PDGFD: variants seen among roughly 807,000 people sequenced by gnomAD.
The protein encoded by PDGFD is platelet-derived growth factor D.
A neutral mutation model predicts 44.7 loss-of-function variants in PDGFD; 30 were observed. That is an observed-to-expected ratio of 0.67 (90% CI 0.50 to 0.91). The LOEUF is 0.91. PDGFD is among the 40% of genes least tolerant of loss of function. The probability of loss-of-function intolerance (pLI) is 0.00; values close to 1 mark genes in which losing one functional copy is unlikely to be tolerated. For synonymous variants in PDGFD, 173 were observed against 168.4 expected (o/e 1.03, Z -0.21); for missense variants, 445 against 457.8 (o/e 0.97, Z 0.25).
intron 1 of PDGFD, among the ~76,000 whole-genome samples, chr11:104,150,962 A>G (rs1409106247): frequency 1.3e-5 from 2 of 152,192 alleles, no homozygotes; most frequent in Non-Finnish European, 2.9e-5. Flanking sequence ...ACAAACCCCA[A>G]CACACGATTT....
intron 3 of PDGFD, among the ~76,000 whole-genome samples, chr11:103,958,121 C>T (rs551125407): frequency 2.0e-5 from 3 of 151,872 alleles, no homozygotes; most frequent in South Asian, 2.1e-4. Flanking sequence ...GATTTTATGC[C>T]GGTGACTATA....
intron 1 of PDGFD, among the ~76,000 whole-genome samples, chr11:104,085,924 A>G (rs1861122293): frequency 1.3e-5 from 2 of 152,200 alleles, no homozygotes; most frequent in Admixed American, 1.3e-4. Context: ...AAGGACTCCC[A>G]GGAATTCTTG....
At chr11:104,101,045 A>G (rs1343962499) in intron 1 of PDGFD, among the ~76,000 whole-genome samples, 3 of 152,184 alleles carry the variant, frequency 2.0e-5, no homozygotes, top group Non-Finnish European at 2.9e-5. Context: ...CTGGCACAAG[A>G]CAGGGATGCC....
chr11:104,149,136 G>C (rs1862207841), intron 1 of PDGFD, among the ~76,000 whole-genome samples: 1 of 152,124 alleles, frequency 6.6e-6, no homozygotes, highest in African/African-American at 2.4e-5. Flanking sequence ...AATTCTCTGA[G>C]TCTGTCCTAA....
chr11:104,065,374 C>T (rs1860774614), intron 1 of PDGFD, among the ~76,000 whole-genome samples: 1 of 152,174 alleles, frequency 6.6e-6, no homozygotes. Flanking sequence ...TCAGCTTCAA[C>T]AAACTATCAC....
chr11:104,123,246 T>G (rs185697907), intron 1 of PDGFD, among the ~76,000 whole-genome samples: 2 of 152,242 alleles, frequency 1.3e-5, no homozygotes, highest in East Asian at 3.9e-4. Flanking sequence ...AATTGGGAAG[T>G]AATGCTTAGG....
At chr11:104,056,682 T>C (rs1860621267) in intron 1 of PDGFD, among the ~76,000 whole-genome samples, 3 of 152,224 alleles carry the variant, frequency 2.0e-5, no homozygotes, top group African/African-American at 7.2e-5. Flanking sequence ...GCTTCTAAGA[T>C]AGCTTGTTAT....
intron 1 of PDGFD, among the ~76,000 whole-genome samples, chr11:104,019,956 T>A (rs1859924699): frequency 1.3e-5 from 2 of 152,132 alleles, no homozygotes; most frequent in African/African-American, 4.8e-5. Context: ...GGGGCTGCGA[T>A]AAGCACCAAA....
chr11:103,922,774 C>G (rs1858245602), intron 6 of PDGFD, among the ~76,000 whole-genome samples: 1 of 151,362 alleles, frequency 6.6e-6, no homozygotes, highest in Admixed American at 6.6e-5. Context: ...ATGGGGGGGT[C>G]TCGCTATGTT....
intron 3 of PDGFD, among the ~76,000 whole-genome samples, chr11:103,987,213 T>G (rs1269157182): frequency 6.6e-6 from 1 of 152,170 alleles, no homozygotes; most frequent in Non-Finnish European, 1.5e-5. Context: ...TCCCCTGTCT[T>G]AATAAATTGG....
intron 3 of PDGFD, among the ~76,000 whole-genome samples, chr11:103,985,388 T>TG (rs910043048): frequency 2.7e-5 from 4 of 150,794 alleles, no homozygotes; most frequent in African/African-American, 9.9e-5. Flanking sequence ...TTTGAAGAGA[T>TG]GGGGGTCTCA....
chr11:104,128,899 T>C (rs1467213218), intron 1 of PDGFD, among the ~76,000 whole-genome samples: 1 of 152,168 alleles, frequency 6.6e-6, no homozygotes, highest in African/African-American at 2.4e-5. Flanking sequence ...TTGCTGCTCA[T>C]AATTCTTAAT....
chr11:103,999,833 C>T (rs1055811643), intron 2 of PDGFD, among the ~76,000 whole-genome samples: 1 of 152,166 alleles, frequency 6.6e-6, no homozygotes, highest in Admixed American at 6.5e-5. Context: ...GACAGTTGCA[C>T]AAGTGAGTTT....
At position 104,103,387 on chromosome 11, in the gene PDGFD, A is replaced by C. The variant is rs1861424711; in HGVS notation, c.124+60417T>G. Among the ~76,000 whole-genome samples, 4 of 150,332 alleles carry C rather than the reference A, an allele frequency of 2.7e-5. No homozygotes were observed. In the Admixed American group the frequency reaches 2.7e-4, roughly 10 times the overall value. On this transcript the variant is annotated intron_variant, in intron 1 of 6. Transcript: ENST00000393158. ...GTATCCACTTATACCTAAATCTTTC[A>C]CCTGAACATATTTCTTTCCCCTTCT...
At chr11:103,950,910 A>G (rs1337464492) in intron 3 of PDGFD, among the ~76,000 whole-genome samples, 1 of 152,182 alleles carries the variant, frequency 6.6e-6, no homozygotes, top group African/African-American at 2.4e-5. Context: ...CTGTGATTTC[A>G]GTTCATTTCC....
Position 103,927,033 on chromosome 11 carries a change from T to C in PDGFD, c.866A>G (p.Asn289Ser), listed in dbSNP as rs577219437. ...GAGGCAACGTGGAAAGAAGACCACA[T>C]TGGCCAACTTCAGCTCTTCTCTTAT... ...VNIREELKLA[N>S]VVFFPRCLLV... The change falls in exon 6 of 7, where the codon AAT (asparagine) becomes AGT (serine). Residue 289 changes from asparagine to serine, a missense_variant. Physicochemically the swap from Asn to Ser is conservative, Grantham distance 46. Coordinates refer to ENST00000393158, the MANE Select transcript of PDGFD (RefSeq NM_025208.5). 5.6e-6 allele frequency: 9 copies of C among 1,614,202 alleles called. No homozygotes were observed. The African/African-American group carries it at 8.0e-5, about 14-fold the overall frequency.
chr11:103,942,045 C>G (rs1321733401), intron 5 of PDGFD, among the ~76,000 whole-genome samples: 1 of 152,086 alleles, frequency 6.6e-6, no homozygotes, highest in Non-Finnish European at 1.5e-5. Context: ...CCACCAGTGA[C>G]TTTCTTGTCC....
chr11:104,069,845 G>C (rs981162500), intron 1 of PDGFD, among the ~76,000 whole-genome samples: 4 of 152,018 alleles, frequency 2.6e-5, no homozygotes, highest in Non-Finnish European at 5.9e-5. Flanking sequence ...GGGTGACAGA[G>C]CGAGACTCCG....
rs112715191 is a variant in PDGFD, at chr11:103,923,208, G to A, written c.987+3704C>T. Reference sequence around the variant, plus strand: ...AGGTATTTTTCCTACTCTATATCTAGTATATTCCAAGAAGCATAGAATGAT... The same window carrying A: ...AGGTATTTTTCCTACTCTATATCTAATATATTCCAAGAAGCATAGAATGAT... On this transcript the variant is annotated intron_variant, in intron 6 of 6. Transcript: ENST00000393158. Among the ~76,000 whole-genome samples, 1,516 of 152,106 alleles carry A rather than the reference G, an allele frequency of 1.0e-2. 10 individuals carry two copies. Among genetic ancestry groups the A allele is most frequent in the Middle Eastern group, 0.017 (5 of 294 alleles).
Sources: allele counts gnomAD v4.1 joint callset (sites outside exome capture counted in the v4.1 genomes callset), GRCh38; gene constraint gnomAD v4.1.1; transcripts MANE v1.5; gene names NCBI Gene and HGNC (gene_info 2026-07-23, HGNC 2026-07-21).